Variants in RMND1 observed in about 807,000 individuals in gnomAD.
RMND1 encodes the protein required for meiotic nuclear division 1 homolog, also known as required for meiotic nuclear division protein 1 homolog.
Under a neutral mutation model 54.0 loss-of-function variants are expected in RMND1, and 41 were observed. The observed-to-expected ratio is 0.76, with a 90% CI of 0.59 to 0.98. The LOEUF (loss-of-function observed/expected upper bound fraction) is 0.98, where lower values mean the gene tolerates loss of function less well. Ranked by LOEUF, RMND1 falls within the 50% of genes least tolerant of loss-of-function variation. The probability of loss-of-function intolerance (pLI) is 0.00; values close to 1 mark genes in which losing one functional copy is unlikely to be tolerated. For synonymous variants in RMND1, 183 were observed against 181.7 expected, an observed-to-expected ratio of 1.01 and a Z score of -0.06; for missense variants, 457 against 532.0, an observed-to-expected ratio of 0.86 and a Z score of 1.39.
intron 2 of RMND1, chr6:151,436,855 AAT>A (rs1313204933): frequency 9.2e-6 from 2 of 218,290 alleles, no homozygotes; most frequent in Non-Finnish European, 1.8e-5. Flanking sequence ...TTGAATGCAA[AAT>A]AGAGATGATT....
At position 151,410,284 on chromosome 6, in the gene RMND1, T is replaced by C. The variant is rs371768641; in HGVS notation, c.1201-4448A>G. ...GTTAGCCAGGATGGTCTGGATCTCC[T>C]GACCTTGTGATCCGCCCTCCTTGGC... On this transcript the variant is annotated intron_variant, in intron 10 of 11. Transcript: ENST00000444024. 2.2e-3 allele frequency among the ~76,000 whole-genome samples: 331 copies of C among 152,274 alleles called. 3 individuals are homozygous for C. The highest frequency in any genetic ancestry group is 0.01 in the Middle Eastern group (3 of 294).
intron 10 of RMND1, chr6:151,417,034 T>C: frequency 3.0e-6 from 1 of 334,274 alleles, no homozygotes; most frequent in Non-Finnish European, 5.4e-6. Context: ...TGACAAGAAC[T>C]TACTGATGGA....
intron 2 of RMND1, among the ~76,000 whole-genome samples, chr6:151,440,799 A>G (rs1245178999): frequency 5.9e-5 from 9 of 152,210 alleles, no homozygotes; most frequent in African/African-American, 2.2e-4. Flanking sequence ...GGTAAAAGGA[A>G]AGAGAATCAT....
At chr6:151,432,945 G>T (rs1780488412) in intron 4 of RMND1, among the ~76,000 whole-genome samples, 1 of 152,144 alleles carries the variant, frequency 6.6e-6, no homozygotes, top group Non-Finnish European at 1.5e-5. Context: ...TCACTTGTTT[G>T]AAATATTCTT....
At chr6:151,449,318 G>A (rs202154546) in intron 1 of RMND1, among the ~76,000 whole-genome samples, 130 of 149,810 alleles carry the variant, frequency 8.7e-4, no homozygotes, top group East Asian at 1.4e-3. Context: ...GCAGTGAGCC[G>A]AGATCGCGCC....
chr6:151,414,275 T>C (rs1779937105), intron 10 of RMND1, among the ~76,000 whole-genome samples: 1 of 152,158 alleles, frequency 6.6e-6, no homozygotes, highest in African/African-American at 2.4e-5. Context: ...TGAGGTCTCA[T>C]TGTGTTTCCC....
At chr6:151,435,721 A>G (rs1780583481) in intron 3 of RMND1, among the ~76,000 whole-genome samples, 1 of 151,716 alleles carries the variant, frequency 6.6e-6, no homozygotes, top group African/African-American at 2.4e-5. Flanking sequence ...CACCCGGCTA[A>G]CTAATTGTTT....
chr6:151,417,006 G>T, intron 10 of RMND1: 1 of 283,536 alleles, frequency 3.5e-6, no homozygotes, highest in Non-Finnish European at 6.6e-6. Flanking sequence ...AAGCAGTCAT[G>T]AACTCTTGCT....
At chr6:151,410,286 A>G (rs372935805) in intron 10 of RMND1, among the ~76,000 whole-genome samples, 1 of 152,122 alleles carries the variant, frequency 6.6e-6, no homozygotes, top group Admixed American at 6.5e-5. Flanking sequence ...GGATCTCCTG[A>G]CCTTGTGATC....
chr6:151,447,071 T>C (rs913277245), intron 1 of RMND1, among the ~76,000 whole-genome samples: 1 of 152,112 alleles, frequency 6.6e-6, no homozygotes, highest in Non-Finnish European at 1.5e-5. Flanking sequence ...GTGAAGAGTG[T>C]GGCATTGTCA....
intron 1 of RMND1, among the ~76,000 whole-genome samples, chr6:151,451,198 T>TAA (rs58457871): frequency 0.062 from 7,038 of 113,230 alleles, 261 homozygotes; most frequent in Non-Finnish European, 0.098. Context: ...GAATGATCAA[T>TAA]AAAAAAAAAA....
intron 2 of RMND1, among the ~76,000 whole-genome samples, chr6:151,438,736 C>T (rs1780685982): frequency 1.3e-5 from 2 of 151,874 alleles, no homozygotes; most frequent in South Asian, 2.1e-4. Context: ...TGTTGTCTCA[C>T]GTCTGCTTCA....
chr6:151,451,107 T>C (rs2114982112), intron 1 of RMND1, among the ~76,000 whole-genome samples: 1 of 151,846 alleles, frequency 6.6e-6, no homozygotes, highest in South Asian at 2.1e-4. Flanking sequence ...CAGAGACCTT[T>C]GTGCACTTGT....
intron 3 of RMND1, 168 bp downstream of exon 3, chr6:151,436,278 T>G (rs1243467403): frequency 2.9e-6 from 2 of 693,196 alleles, no homozygotes; most frequent in Non-Finnish European, 4.6e-6. Context: ...GTAAATACAT[T>G]TTAATTCTTA....
intron 10 of RMND1, among the ~76,000 whole-genome samples, chr6:151,412,280 G>T (rs1227375957): frequency 6.6e-6 from 1 of 151,780 alleles, no homozygotes; most frequent in African/African-American, 2.4e-5. Flanking sequence ...GGGATTACAG[G>T]TGTGAGCCAC....
intron 10 of RMND1, among the ~76,000 whole-genome samples, chr6:151,415,211 T>C (rs1779966467): frequency 6.6e-6 from 1 of 152,156 alleles, no homozygotes; most frequent in African/African-American, 2.4e-5. Context: ...AAGTTTTCTA[T>C]GTCTGCAGAA....
At chr6:151,421,456 G>T (rs1403550283) in intron 8 of RMND1, 135 bp from the exon 9 acceptor site, 9 of 591,066 alleles carry the variant, frequency 1.5e-5, no homozygotes, top group Non-Finnish European at 2.7e-5. Context: ...CTGTCTCCCA[G>T]ATTAATGTCT....
intron 9 of RMND1, 173 bp downstream of exon 9, chr6:151,421,072 C>G (rs1163984939): frequency 1.8e-6 from 1 of 569,540 alleles, no homozygotes; most frequent in African/African-American, 1.9e-5. Flanking sequence ...AGTCTTAACA[C>G]AGCCCAACTA....
chr6:151,449,302 G>A (rs990920175), intron 1 of RMND1, among the ~76,000 whole-genome samples: 1 of 150,440 alleles, frequency 6.6e-6, no homozygotes, highest in Non-Finnish European at 1.5e-5. Flanking sequence ...CCGGGAGGTG[G>A]AGGTTGCAGT....
Sources: gnomAD v4.1 joint callset for allele counts (sites outside exome capture counted in the v4.1 genomes callset) on GRCh38, gnomAD v4.1.1 for gene constraint, MANE v1.5 for transcripts, NCBI Gene and HGNC (gene_info 2026-07-23, HGNC 2026-07-21) for gene names.